Variants in GMDS observed in about 807,000 individuals in gnomAD.
GMDS encodes the protein GDP-mannose 4,6-dehydratase.
GMDS carries 20 observed loss-of-function variants against 49.9 expected under a neutral mutation model. The ratio of observed to expected loss-of-function variants is 0.40; its 90% CI spans 0.28 to 0.58. The LOEUF is 0.58. GMDS is among the 20% of genes least tolerant of loss of function. The pLI, the probability that GMDS is intolerant of heterozygous loss-of-function variation, is 0.42. For synonymous variants in GMDS, 177 were observed against 178.6 expected, an observed-to-expected ratio of 0.99 and a Z score of 0.07; for missense variants, 362 against 481.4, an observed-to-expected ratio of 0.75 and a Z score of 2.32.
At chr6:2,160,445 C>T (rs1328840807) in intron 1 of GMDS, among the ~76,000 whole-genome samples, 1 of 152,224 alleles carries the variant, frequency 6.6e-6, no homozygotes, top group African/African-American at 2.4e-5. Context: ...CAACCTAGGT[C>T]TGACACCAAA....
chr6:2,163,245 C>T (rs113695843), intron 1 of GMDS, among the ~76,000 whole-genome samples: 6,166 of 152,238 alleles, frequency 0.041, 246 homozygotes, highest in South Asian at 0.13. Flanking sequence ...ATCCTGTCAT[C>T]TGCCTTGATT....
intron 1 of GMDS, among the ~76,000 whole-genome samples, chr6:2,212,056 T>C (rs1186873747): frequency 6.6e-6 from 1 of 152,246 alleles, no homozygotes; most frequent in Non-Finnish European, 1.5e-5. Context: ...GGAATTTTAA[T>C]GTCATAGTAC....
chr6:2,211,880 T>A (rs762106017), intron 1 of GMDS, among the ~76,000 whole-genome samples: 2 of 152,230 alleles, frequency 1.3e-5, no homozygotes, highest in Non-Finnish European at 2.9e-5. Flanking sequence ...TAGGTACTCT[T>A]GTAAGACATT....
chr6:2,083,233 C>T (rs77916728), intron 4 of GMDS, among the ~76,000 whole-genome samples: 1 of 152,204 alleles, frequency 6.6e-6, no homozygotes, highest in East Asian at 1.9e-4. Context: ...ACTTAGTAAA[C>T]GCTAGTATCT....
chr6:1,658,317 A>T (rs777738932), intron 9 of GMDS, among the ~76,000 whole-genome samples: 6 of 152,250 alleles, frequency 3.9e-5, no homozygotes, highest in Non-Finnish European at 8.8e-5. Context: ...TCAAAGCTGA[A>T]GCTGCAATTT....
intron 1 of GMDS, among the ~76,000 whole-genome samples, chr6:2,193,539 C>A (rs931038794): frequency 6.6e-6 from 1 of 152,110 alleles, no homozygotes. Context: ...GTTCTCCTGG[C>A]AAACAACTTG....
At chr6:1,902,740 A>C (rs1760559510) in intron 7 of GMDS, among the ~76,000 whole-genome samples, 1 of 152,240 alleles carries the variant, frequency 6.6e-6, no homozygotes, top group Non-Finnish European at 1.5e-5. Flanking sequence ...ATGATTGTAC[A>C]TTTAAATATC....
intron 9 of GMDS, among the ~76,000 whole-genome samples, chr6:1,658,211 CAGCATGATCT>C (rs1217812910): frequency 1.2e-4 from 19 of 152,234 alleles, no homozygotes; most frequent in African/African-American, 4.6e-4. Context: ...AAGGTGTCCA[CAGCATGATCT>C]CTTCACCGGG....
intron 4 of GMDS, among the ~76,000 whole-genome samples, chr6:2,080,341 G>A (rs1193913449): frequency 6.6e-6 from 1 of 152,140 alleles, no homozygotes; most frequent in African/African-American, 2.4e-5. Context: ...AATCATTGCT[G>A]AAGAATTATT....
intron 7 of GMDS, among the ~76,000 whole-genome samples, chr6:1,794,195 T>C (rs550923971): frequency 1.3e-5 from 2 of 152,356 alleles, no homozygotes; most frequent in East Asian, 3.9e-4. Flanking sequence ...CTTTCTCCTT[T>C]TATGATAAAC....
chr6:2,126,638 T>C (rs564667530), intron 1 of GMDS, among the ~76,000 whole-genome samples: 1 of 152,230 alleles, frequency 6.6e-6, no homozygotes, highest in East Asian at 1.9e-4. Context: ...GATTTTCTTC[T>C]TCTTCTTCTT....
At chr6:2,136,634 T>A (rs1776015908) in intron 1 of GMDS, among the ~76,000 whole-genome samples, 1 of 152,160 alleles carries the variant, frequency 6.6e-6, no homozygotes, top group Admixed American at 6.5e-5. Context: ...ACAGGAAGAT[T>A]GCTTGTAGTC....
intron 7 of GMDS, among the ~76,000 whole-genome samples, chr6:1,785,547 C>T (rs1284259160): frequency 6.6e-6 from 1 of 152,188 alleles, no homozygotes; most frequent in Non-Finnish European, 1.5e-5. Context: ...ACGCAGCCCT[C>T]GCCACGTGGG....
intron 7 of GMDS, among the ~76,000 whole-genome samples, chr6:1,770,560 G>A (rs541712606): frequency 2.6e-5 from 4 of 152,248 alleles, no homozygotes; most frequent in Admixed American, 6.5e-5. Flanking sequence ...ATGACCCCAC[G>A]GTGTGGGGAG....
chr6:2,196,638 G>C (rs771346240), intron 1 of GMDS, among the ~76,000 whole-genome samples: 1 of 152,182 alleles, frequency 6.6e-6, no homozygotes, highest in Non-Finnish European at 1.5e-5. Context: ...GTTCAGGACA[G>C]ACCACATTAA....
At chr6:1,866,671 G>C (rs1352252207) in intron 7 of GMDS, among the ~76,000 whole-genome samples, 1 of 152,156 alleles carries the variant, frequency 6.6e-6, no homozygotes, top group Non-Finnish European at 1.5e-5. Flanking sequence ...TTTAAAAAAG[G>C]TAATGCATGC....
At chr6:1,757,512 T>C (rs1767992577) in intron 7 of GMDS, among the ~76,000 whole-genome samples, 1 of 152,220 alleles carries the variant, frequency 6.6e-6, no homozygotes, top group African/African-American at 2.4e-5. Flanking sequence ...TCCATGCTCT[T>C]GGCTCCTGAC....
In GMDS at chr6:1,640,860, A is replaced by G. The variant is rs1021574808; in HGVS notation, c.988-16320T>C. On this transcript the variant is annotated intron_variant, in intron 9 of 10. Transcript: ENST00000380815. The surrounding 1 kb of genome is among the most constrained non-coding windows in gnomAD (Gnocchi z 4.0). ...AACACGGTACTGTTTAGGCAGAGTT[A>G]TGATTGACAGTGGGGGCTGCCCTGG... Among the ~76,000 whole-genome samples, 1 of 152,138 alleles carries G rather than the reference A, an allele frequency of 6.6e-6. No individual in the cohort carries two copies. The highest frequency in any genetic ancestry group is 1.5e-5 in the Non-Finnish European group (1 of 68,032).
At chr6:1,658,163 G>A (rs888011109) in intron 9 of GMDS, among the ~76,000 whole-genome samples, 5 of 152,242 alleles carry the variant, frequency 3.3e-5, no homozygotes, top group East Asian at 1.9e-4. Flanking sequence ...GTGGTCCATC[G>A]TGAGCTGCCT....
Sources: allele counts gnomAD v4.1 joint callset (sites outside exome capture counted in the v4.1 genomes callset), GRCh38; gene constraint gnomAD v4.1.1; non-coding constraint Gnocchi (gnomAD v3.1); transcripts MANE v1.5; gene names NCBI Gene and HGNC (gene_info 2026-07-23, HGNC 2026-07-21).